The following TEX101 variants were observed in gnomAD, a reference collection of about 807,000 sequenced individuals.
The protein encoded by TEX101 is testis-expressed protein 101.
Under a neutral mutation model 18.1 loss-of-function variants are expected in TEX101, and 10 were observed. The ratio of observed to expected loss-of-function variants is 0.55; its 90% CI spans 0.34 to 0.94. The LOEUF (loss-of-function observed/expected upper bound fraction) is 0.94, where lower values mean the gene tolerates loss of function less well. TEX101 is among the 40% of genes least tolerant of loss of function. The pLI, the probability that TEX101 is intolerant of heterozygous loss-of-function variation, is 0.02. For synonymous variants in TEX101, 94 were observed against 114.8 expected, an observed-to-expected ratio of 0.82 and a Z score of 1.16; for missense variants, 259 against 298.9, an observed-to-expected ratio of 0.87 and a Z score of 0.98.
upstream of TEX101, among the ~76,000 whole-genome samples, chr19:43,410,840 A>G (rs575604339): frequency 2.5e-3 from 376 of 152,206 alleles, 1 homozygote; most frequent in South Asian, 0.012. Flanking sequence ...ATGAACACAC[A>G]TAGCCAATTA....
chr19:43,401,323 G>A (rs1332853241), upstream of TEX101, among the ~76,000 whole-genome samples: 2 of 152,324 alleles, frequency 1.3e-5, no homozygotes, highest in South Asian at 2.1e-4. Context: ...AACACATTAA[G>A]GTTTAGGTAT....
At chr19:43,407,938 G>A (rs532835411) in intron 3 of TEX101, among the ~76,000 whole-genome samples, 1 of 152,336 alleles carries the variant, frequency 6.6e-6, no homozygotes, top group East Asian at 1.9e-4. Context: ...GCTGCTTCTG[G>A]GTCCGAGTTT....
At chr19:43,416,735 C>T (rs544115850) in intron 4 of TEX101, among the ~76,000 whole-genome samples, 180 bp downstream of exon 4, 3 of 152,202 alleles carry the variant, frequency 2.0e-5, no homozygotes, top group South Asian at 2.1e-4. Context: ...CTCAGAGCAG[C>T]GAGATACCAG....
the TEX101 span, among the ~76,000 whole-genome samples, chr19:43,395,425 G>C: frequency 6.6e-6 from 1 of 152,200 alleles, no homozygotes; most frequent in African/African-American, 2.4e-5. Context: ...TCCCCACCCA[G>C]GTGGAGGTAA....
upstream of TEX101, among the ~76,000 whole-genome samples, chr19:43,411,487 C>G (rs1034830637): frequency 6.6e-6 from 1 of 152,178 alleles, no homozygotes; most frequent in Non-Finnish European, 1.5e-5. Flanking sequence ...CTGCAATAAT[C>G]CAGTGACCAA....
intron 2 of TEX101, among the ~76,000 whole-genome samples, chr19:43,404,640 TATCA>T (rs1245682586): frequency 6.6e-6 from 1 of 152,022 alleles, no homozygotes; most frequent in African/African-American, 2.4e-5. Flanking sequence ...AATTTTTTTC[TATCA>T]ATCTAGATAC....
the TEX101 span, among the ~76,000 whole-genome samples, chr19:43,389,739 G>C: frequency 2.0e-5 from 3 of 152,210 alleles, no homozygotes; most frequent in Non-Finnish European, 2.9e-5. Flanking sequence ...CGGATGCCTA[G>C]CAGATGTTCT....
rs78284087 is a variant in TEX101, at chr19:43,404,605, G to C, written c.-282-1618G>C. ...AAGATTCACCAATTGTTAACATTTT[G>C]CCACATTTGCTTGATTGATTTTTTA... On this transcript the variant is annotated intron_variant, in intron 2 of 7. Coordinates refer to the TEX101 transcript ENST00000602198. Among the ~76,000 whole-genome samples the C allele has an allele frequency of 9.1e-3, 1,382 of 151,990 alleles. 12 individuals are homozygous for C. Among genetic ancestry groups the C allele is most frequent in the Admixed American group, 0.014 (219 of 15,260 alleles).
At chr19:43,394,905 C>T in the TEX101 span, among the ~76,000 whole-genome samples, 1 of 152,122 alleles carries the variant, frequency 6.6e-6, no homozygotes, top group East Asian at 1.9e-4. Context: ...AAAGCTTTTC[C>T]TCTACCCACT....
upstream of TEX101, among the ~76,000 whole-genome samples, chr19:43,410,130 T>G (rs780403577): frequency 7.2e-5 from 11 of 152,084 alleles, no homozygotes; most frequent in Non-Finnish European, 1.0e-4. Flanking sequence ...CCTTTACAAG[T>G]AGGAAGGAAA....
At chr19:43,414,604 C>T (rs142142629), upstream of TEX101, among the ~76,000 whole-genome samples, 12 of 152,304 alleles carry the variant, frequency 7.9e-5, no homozygotes, top group East Asian at 2.1e-3. Context: ...GCAGAGACAA[C>T]AGAGTGCAAA....
At chr19:43,408,482 C>G (rs935331773) in intron 3 of TEX101, among the ~76,000 whole-genome samples, 1 of 152,210 alleles carries the variant, frequency 6.6e-6, no homozygotes, top group East Asian at 1.9e-4. Context: ...CGCCCTTGCA[C>G]GCCTCCTCCT....
chr19:43,415,717 G>A lies in TEX101; in HGVS notation c.-39-164G>A, dbSNP rs536767472. Among the ~76,000 whole-genome samples, 6 of 150,960 alleles carry A rather than the reference G, an allele frequency of 4.0e-5. No homozygotes were observed. The East Asian group carries it at 9.8e-4, about 25-fold the overall frequency. On this transcript the variant is annotated intron_variant, in intron 1 of 5. Coordinates refer to ENST00000598265, the MANE Select transcript of TEX101 (RefSeq NM_001130011.3). ...GGCAGAGGCAGTGAGCCGAGATTGC[G>A]CCACTGCACTCCAGCCTGGGCGACA...
chr19:43,415,845 G>A (rs1970468651), intron 1 of TEX101, 36 bp from the exon 2 acceptor site: 1 of 1,592,722 alleles, frequency 6.3e-7, no homozygotes, highest in Non-Finnish European at 8.6e-7. Flanking sequence ...CACTCTGGCT[G>A]AAAAGTTAAT....
chr19:43,388,953 C>T, the TEX101 span, among the ~76,000 whole-genome samples: 1 of 152,096 alleles, frequency 6.6e-6, no homozygotes, highest in African/African-American at 2.4e-5. Flanking sequence ...GCGGCTGCTC[C>T]CCGGGGTTCC....
chr19:43,395,219 T>A, the TEX101 span, among the ~76,000 whole-genome samples: 1 of 152,136 alleles, frequency 6.6e-6, no homozygotes, highest in African/African-American at 2.4e-5. Flanking sequence ...CTGCCTTTCT[T>A]TATCATCTGG....
chr19:43,414,983 T>TTTTGC lies in TEX101; in HGVS notation c.-92_-88dup. 1.0e-6 allele frequency: 1 copy of TTTTGC among 985,270 alleles called. No homozygotes were observed. Among genetic ancestry groups the TTTTGC allele is most frequent in the Non-Finnish European group, 1.2e-6 (1 of 829,916 alleles). The allele number at this position is 985,270 out of a possible 1,614,324, so 61.0% of individuals were successfully genotyped here. A position where few individuals can be genotyped will look rare whatever the true frequency, so the allele number is the denominator to read the frequency against. ...GCGTCTGCCTGGAAGCCGGCAGCAA[T>TTTTGC]TTTGCTTCTTTAAAGAGAAAAAGAA... On this transcript the variant is annotated 5_prime_UTR_variant, in exon 1 of 6. The change creates a premature stop within an existing upstream ORF in the 5' untranslated region. Transcript: ENST00000598265.
upstream of TEX101, among the ~76,000 whole-genome samples, chr19:43,414,589 G>C (rs138921981): frequency 7.9e-5 from 12 of 152,324 alleles, no homozygotes; most frequent in South Asian, 8.3e-4. Context: ...AGTGTGGCTG[G>C]AGAAGCAGAG....
chr19:43,403,445 G>A (rs981056386), intron 2 of TEX101, among the ~76,000 whole-genome samples: 1 of 152,110 alleles, frequency 6.6e-6, no homozygotes, highest in Non-Finnish European at 1.5e-5. Context: ...GGAGTTGGGG[G>A]CTGGGGGAGG....
Sources: gnomAD v4.1 joint callset for allele counts (sites outside exome capture counted in the v4.1 genomes callset) on GRCh38, gnomAD v4.1.1 for gene constraint, MANE v1.5 for transcripts, NCBI Gene and HGNC (gene_info 2026-07-23, HGNC 2026-07-21) for gene names.